GPHN: variants seen among roughly 807,000 people sequenced by gnomAD.
The protein encoded by GPHN is gephyrin.
In GPHN, 17 loss-of-function variants were observed where a neutral mutation model predicts 95.5. The ratio of observed to expected loss-of-function variants is 0.18; its 90% CI spans 0.12 to 0.27. The LOEUF is 0.27. Ranked by LOEUF, GPHN falls within the 10% of genes least tolerant of loss-of-function variation. The probability of loss-of-function intolerance (pLI) is 1.00; values close to 1 mark genes in which losing one functional copy is unlikely to be tolerated. For synonymous variants in GPHN, 320 were observed against 322.5 expected, an observed-to-expected ratio of 0.99 and a Z score of 0.08; for missense variants, 660 against 978.1, an observed-to-expected ratio of 0.67 and a Z score of 4.34.
chr14:67,680,768 C>T, the GPHN span, among the ~76,000 whole-genome samples: 1 of 152,174 alleles, frequency 6.6e-6, no homozygotes, highest in African/African-American at 2.4e-5. Flanking sequence ...CAAGTAAGAG[C>T]TAGTTAAGTG....
At chr14:66,672,393 T>G (rs1375381800) in intron 1 of GPHN, among the ~76,000 whole-genome samples, 1 of 152,184 alleles carries the variant, frequency 6.6e-6, no homozygotes, top group East Asian at 1.9e-4. Flanking sequence ...TTTTATTGGA[T>G]GAAGTCATCA....
At chr14:66,916,397 T>G (rs2065901144) in intron 6 of GPHN, among the ~76,000 whole-genome samples, 1 of 151,958 alleles carries the variant, frequency 6.6e-6, no homozygotes, top group Non-Finnish European at 1.5e-5. Context: ...ATCAATGCTT[T>G]ACTCTCCTGG....
At chr14:67,368,411 C>A in the GPHN span, among the ~76,000 whole-genome samples, 1 of 152,066 alleles carries the variant, frequency 6.6e-6, no homozygotes, top group African/African-American at 2.4e-5. Context: ...CCCCACCTGA[C>A]GGAGGGGCAG....
rs774066965 is a variant in GPHN at position 66,562,055 on chromosome 14, C to T, written c.64+53464C>T. On this transcript the variant is annotated intron_variant, in intron 1 of 22. Transcript: ENST00000478722. Reference sequence around the variant, plus strand: ...GGAAAGGGTCTCTCTTTTAAGGACTCGTGATGAGATTGGGCCAACACAGAT... The same window carrying T: ...GGAAAGGGTCTCTCTTTTAAGGACTTGTGATGAGATTGGGCCAACACAGAT... Among the ~76,000 whole-genome samples the T allele has an allele frequency of 5.3e-5, 8 of 152,088 alleles. No homozygotes were observed. The East Asian group carries it at 9.6e-4, about 18-fold the overall frequency.
intron 1 of GPHN, among the ~76,000 whole-genome samples, chr14:66,573,450 C>CT (rs369274048): frequency 0.024 from 3,266 of 137,406 alleles, 63 homozygotes; most frequent in Middle Eastern, 0.066. Flanking sequence ...ATATAATAAC[C>CT]TTTTTTTTTT....
intron 2 of GPHN, among the ~76,000 whole-genome samples, chr14:66,770,558 T>G (rs2059128099): frequency 6.6e-6 from 1 of 152,194 alleles, no homozygotes; most frequent in Non-Finnish European, 1.5e-5. Flanking sequence ...ACCCTTCTAT[T>G]GTGCAATATG....
intron 1 of GPHN, among the ~76,000 whole-genome samples, chr14:66,664,989 CA>C (rs937401198): frequency 0.15 from 8,051 of 54,884 alleles, 295 homozygotes; most frequent in African/African-American, 0.31. Context: ...GCCTACCAAC[CA>C]AAAAAAAAAA....
intron 10 of GPHN, among the ~76,000 whole-genome samples, chr14:67,038,372 G>A (rs1457026448): frequency 3.3e-5 from 5 of 152,108 alleles, no homozygotes; most frequent in African/African-American, 1.2e-4. Context: ...GCAATCAGTT[G>A]TACAATAATA....
chr14:66,870,897 G>A (rs117342522), intron 4 of GPHN, among the ~76,000 whole-genome samples: 1,833 of 152,262 alleles, frequency 0.012, 19 homozygotes, highest in Non-Finnish European at 0.018. Context: ...ATAAGAGTTT[G>A]AGCCATTTTA....
the GPHN span, among the ~76,000 whole-genome samples, chr14:67,445,571 G>T: frequency 1.1e-4 from 12 of 113,954 alleles, no homozygotes; most frequent in Non-Finnish European, 2.2e-4. Context: ...TTTAAGAGAG[G>T]CAATTCTTTT....
intron 17 of GPHN, among the ~76,000 whole-genome samples, chr14:67,125,139 T>C (rs2079222383): frequency 6.6e-6 from 1 of 152,038 alleles, no homozygotes; most frequent in Middle Eastern, 3.4e-3. Flanking sequence ...AAAAAAGAAA[T>C]TGATGCAAAT....
chr14:66,932,564 A>G (rs2066884659), intron 8 of GPHN, among the ~76,000 whole-genome samples: 1 of 136,334 alleles, frequency 7.3e-6, no homozygotes, highest in African/African-American at 2.8e-5. Flanking sequence ...GGCTTTAGGA[A>G]TCTTCTTGGT....
the GPHN span, chr14:67,201,575 C>G: frequency 4.4e-6 from 2 of 454,692 alleles, no homozygotes; most frequent in Non-Finnish European, 8.8e-6. Context: ...GTATGTCTTG[C>G]TGGTCACATG....
At chr14:66,704,518 C>T (rs1177987206) in intron 2 of GPHN, among the ~76,000 whole-genome samples, 1 of 152,042 alleles carries the variant, frequency 6.6e-6, no homozygotes, top group Non-Finnish European at 1.5e-5. Context: ...CACTCAAAAC[C>T]ACACAATTGC....
the GPHN span, among the ~76,000 whole-genome samples, chr14:67,437,527 T>C: frequency 6.6e-6 from 1 of 152,146 alleles, no homozygotes; most frequent in South Asian, 2.1e-4. Flanking sequence ...CTGATTTCAA[T>C]GTCCAAACCT....
Position 66,711,858 on chromosome 14 carries a change from G to A in GPHN, c.143+30673G>A, listed in dbSNP as rs937320560. Among the ~76,000 whole-genome samples the A allele has an allele frequency of 2.0e-5, 3 of 151,622 alleles. No homozygotes were observed. The East Asian group carries it at 5.8e-4, about 29-fold the overall frequency. On this transcript the variant is annotated intron_variant, in intron 2 of 22. Transcript: ENST00000478722. ...ATATGGTGTTTGGTTTTCTGTCCTTGTGGTGGTTTGCTGAGAATGATGGCT... is the reference window on the plus strand; with the variant it reads ...ATATGGTGTTTGGTTTTCTGTCCTTATGGTGGTTTGCTGAGAATGATGGCT...
rs528010752 is a variant in GPHN at position 66,765,029 on chromosome 14, A to G, written c.144-11435A>G. On this transcript the variant is annotated intron_variant, in intron 2 of 22. Transcript: ENST00000478722. The stretch of plus-strand genomic sequence containing the variant: ...TCCAGATAATAAAAAAATGAAAAAT[A>G]ACATGTGATGTCAGAACCACTGTTA... 7.9e-5 allele frequency among the ~76,000 whole-genome samples: 12 copies of G among 152,336 alleles called. No individual in the cohort carries two copies. In the South Asian group the frequency reaches 2.3e-3, roughly 29 times the overall value.
At chr14:66,964,853 G>C (rs2069200844) in intron 8 of GPHN, among the ~76,000 whole-genome samples, 1 of 152,134 alleles carries the variant, frequency 6.6e-6, no homozygotes, top group Non-Finnish European at 1.5e-5. Flanking sequence ...ATCTGAAAAG[G>C]AAATGGAAAA....
chr14:67,352,138 A>T, the GPHN span, among the ~76,000 whole-genome samples: 12 of 152,028 alleles, frequency 7.9e-5, no homozygotes, highest in African/African-American at 2.9e-4. Context: ...TAAAAAAATA[A>T]AAATAAAAAC....
Sources: gnomAD v4.1 joint callset for allele counts (sites outside exome capture counted in the v4.1 genomes callset) on GRCh38, gnomAD v4.1.1 for gene constraint, MANE v1.5 for transcripts, NCBI Gene and HGNC (gene_info 2026-07-23, HGNC 2026-07-21) for gene names.